The following KCNQ3 variants were observed in gnomAD, a reference collection of about 807,000 sequenced individuals.
KCNQ3 encodes the protein potassium voltage-gated channel subfamily Q member 3, also known as potassium voltage-gated channel subfamily KQT member 3.
In KCNQ3, 30 loss-of-function variants were observed where a neutral mutation model predicts 92.5. The ratio of observed to expected loss-of-function variants is 0.32; its 90% CI spans 0.24 to 0.44. KCNQ3 has a LOEUF of 0.44. Among genes scored for constraint, KCNQ3 ranks in the 20% least tolerant of loss-of-function variants. The probability of loss-of-function intolerance (pLI) is 1.00; values close to 1 mark genes in which losing one functional copy is unlikely to be tolerated. For synonymous variants in KCNQ3, 450 were observed against 468.8 expected (o/e 0.96, Z 0.52); for missense variants, 913 against 1,140.3 (o/e 0.80, Z 2.87).
Position 132,459,979 on chromosome 8 carries a change from C to G in KCNQ3, c.386+20168G>C, listed in dbSNP as rs1822026331. Reference sequence around the variant, plus strand: ...TCCAGTATTACTTTATTTTTTGTCTCAAATTGTCCCACATTGGCCAGGGGG... The same window carrying G: ...TCCAGTATTACTTTATTTTTTGTCTGAAATTGTCCCACATTGGCCAGGGGG... On this transcript the variant is annotated intron_variant, in intron 1 of 14. Transcript: ENST00000388996. Among the ~76,000 whole-genome samples, 7 of 150,962 alleles carry G rather than the reference C, an allele frequency of 4.6e-5. 1 individual carries two copies. In the South Asian group the frequency reaches 1.5e-3, roughly 32 times the overall value.
intron 1 of KCNQ3, among the ~76,000 whole-genome samples, chr8:132,389,442 C>T (rs1248954259): frequency 2.0e-5 from 3 of 152,166 alleles, no homozygotes; most frequent in Non-Finnish European, 4.4e-5. Flanking sequence ...GACTCTGACT[C>T]AAAACAAACA....
intron 1 of KCNQ3, among the ~76,000 whole-genome samples, chr8:132,383,854 C>T (rs1305284041): frequency 6.6e-6 from 1 of 152,196 alleles, no homozygotes; most frequent in Non-Finnish European, 1.5e-5. Context: ...CTACAACATC[C>T]TGGCTGTGTA....
intron 1 of KCNQ3, among the ~76,000 whole-genome samples, chr8:132,247,700 A>G (rs949034915): frequency 6.6e-6 from 1 of 151,942 alleles, no homozygotes; most frequent in African/African-American, 2.4e-5. Context: ...CGGGAGGCTG[A>G]GGCAGGAGAA....
At chr8:132,217,448 C>T (rs1586836578) in intron 1 of KCNQ3, among the ~76,000 whole-genome samples, 1 of 152,088 alleles carries the variant, frequency 6.6e-6, no homozygotes, top group Non-Finnish European at 1.5e-5. Flanking sequence ...CGGTGGCTCA[C>T]GCCTGTAATC....
At chr8:132,337,545 G>C (rs1818398811) in intron 1 of KCNQ3, among the ~76,000 whole-genome samples, 1 of 151,632 alleles carries the variant, frequency 6.6e-6, no homozygotes, top group African/African-American at 2.4e-5. Flanking sequence ...AAAACTTTAG[G>C]GTCAGCACCC....
chr8:132,149,637 T>C (rs2130958521), intron 9 of KCNQ3, among the ~76,000 whole-genome samples: 1 of 152,292 alleles, frequency 6.6e-6, no homozygotes, highest in East Asian at 1.9e-4. Flanking sequence ...TCTTTCCTTT[T>C]ACAATACAAT....
chr8:132,306,432 G>A (rs140307611), intron 1 of KCNQ3, among the ~76,000 whole-genome samples: 1 of 152,136 alleles, frequency 6.6e-6, no homozygotes. Flanking sequence ...CTTCAGCCTT[G>A]GAAGATGCCA....
At chr8:132,279,818 A>G (rs1230564506) in intron 1 of KCNQ3, among the ~76,000 whole-genome samples, 1 of 151,892 alleles carries the variant, frequency 6.6e-6, no homozygotes, top group South Asian at 2.1e-4. Context: ...GTGCATATAT[A>G]TGCATACATA....
rs142513113 is a variant in KCNQ3 at position 132,148,441 on chromosome 8, G to T, written c.1263-7110C>A. Among the ~76,000 whole-genome samples the T allele has an allele frequency of 5.2e-3, 788 of 152,268 alleles. 10 individuals carry two copies. The highest frequency in any genetic ancestry group is 0.018 in the African/African-American group (752 of 41,548). ...AGTAGAGACGGGGTTTCACCGTGTT[G>T]CCAAGGCTGGCAATTTCTTTACAGC... On this transcript the variant is annotated intron_variant, in intron 9 of 14. Coordinates refer to ENST00000388996, the MANE Select transcript of KCNQ3 (RefSeq NM_004519.4).
intron 1 of KCNQ3, among the ~76,000 whole-genome samples, chr8:132,441,478 C>T (rs962536623): frequency 6.6e-6 from 1 of 152,096 alleles, no homozygotes; most frequent in African/African-American, 2.4e-5. Context: ...GGCGTGAACC[C>T]GGAAGGCAGA....
intron 1 of KCNQ3, among the ~76,000 whole-genome samples, chr8:132,388,414 A>G (rs1407328675): frequency 6.6e-6 from 1 of 152,222 alleles, no homozygotes; most frequent in African/African-American, 2.4e-5. Flanking sequence ...TCTAGTTAAA[A>G]AGTAAAAATA....
chr8:132,359,252 G>A (rs1407179476), intron 1 of KCNQ3, among the ~76,000 whole-genome samples: 1 of 152,208 alleles, frequency 6.6e-6, no homozygotes, highest in Non-Finnish European at 1.5e-5. Context: ...ATCTAAGAGG[G>A]AGAAATGTTT....
At chr8:132,278,940 G>T (rs1816425862) in intron 1 of KCNQ3, among the ~76,000 whole-genome samples, 1 of 152,120 alleles carries the variant, frequency 6.6e-6, no homozygotes, top group African/African-American at 2.4e-5. Flanking sequence ...CATCCGTCAG[G>T]GGCGGTGACT....
chr8:132,322,928 C>T (rs1037559894), intron 1 of KCNQ3, among the ~76,000 whole-genome samples: 2 of 152,156 alleles, frequency 1.3e-5, no homozygotes, highest in Non-Finnish European at 2.9e-5. Flanking sequence ...GTGCCAAGTG[C>T]ACCACTTGCA....
intron 1 of KCNQ3, among the ~76,000 whole-genome samples, chr8:132,220,961 C>A (rs1303287123): frequency 2.0e-5 from 3 of 152,068 alleles, no homozygotes; most frequent in Non-Finnish European, 4.4e-5. Flanking sequence ...TGTGATCCCT[C>A]CCCCTGCTCT....
intron 1 of KCNQ3, among the ~76,000 whole-genome samples, chr8:132,348,717 C>T (rs1157941317): frequency 4.6e-5 from 7 of 152,204 alleles, no homozygotes; most frequent in African/African-American, 1.7e-4. Flanking sequence ...CCAGGCAGTC[C>T]TGCTTCAAAA....
At chr8:132,369,894 AT>A (rs2130736168) in intron 1 of KCNQ3, among the ~76,000 whole-genome samples, 1 of 152,300 alleles carries the variant, frequency 6.6e-6, no homozygotes, top group South Asian at 2.1e-4. Flanking sequence ...CACCAGTACT[AT>A]CCCCACTCAC....
chr8:132,173,980 TC>T (rs1198069223), intron 6 of KCNQ3, among the ~76,000 whole-genome samples: 16 of 152,136 alleles, frequency 1.1e-4, no homozygotes, highest in Non-Finnish European at 1.5e-5. Flanking sequence ...ACAGAATTAT[TC>T]CCAGAGTTAT....
intron 1 of KCNQ3, among the ~76,000 whole-genome samples, chr8:132,200,993 C>T (rs1827441036): frequency 6.6e-6 from 1 of 152,094 alleles, no homozygotes; most frequent in African/African-American, 2.4e-5. Context: ...TGGTGAGAGC[C>T]TTCTTGTCAT....
Sources: allele counts gnomAD v4.1 joint callset (sites outside exome capture counted in the v4.1 genomes callset), GRCh38; gene constraint gnomAD v4.1.1; transcripts MANE v1.5; gene names NCBI Gene and HGNC (gene_info 2026-07-23, HGNC 2026-07-21).